The following NPAS3 variants were observed in gnomAD, a reference collection of about 807,000 sequenced individuals.
NPAS3 encodes neuronal PAS domain protein 3.
In NPAS3, 14 loss-of-function variants were observed where a neutral mutation model predicts 73.1. The ratio of observed to expected loss-of-function variants is 0.19; its 90% CI spans 0.13 to 0.30. NPAS3 has a LOEUF of 0.30. Among genes scored for constraint, NPAS3 ranks in the 10% least tolerant of loss-of-function variants. NPAS3 has a pLI of 1.00. For missense variants in NPAS3, 1,096 were observed against 1,250.0 expected, an observed-to-expected ratio of 0.88 and a Z score of 1.86; for synonymous variants, 620 against 541.5, an observed-to-expected ratio of 1.14 and a Z score of -2.01.
chr14:33,651,117 T>G (rs569258423), intron 5 of NPAS3, among the ~76,000 whole-genome samples: 1 of 152,324 alleles, frequency 6.6e-6, no homozygotes, highest in African/African-American at 2.4e-5. Flanking sequence ...CTTTGAGACT[T>G]TGTTCACAAG....
chr14:33,647,286 CTCTCTATATATA>C (rs1233049157), intron 5 of NPAS3, among the ~76,000 whole-genome samples: 1 of 151,110 alleles, frequency 6.6e-6, no homozygotes, highest in African/African-American at 2.5e-5. Context: ...CTCTCTCTCT[CTCTCTATATATA>C]TATATATATA....
At chr14:33,780,601 C>CA (rs1303706203) in intron 9 of NPAS3, 1 of 453,560 alleles carries the variant, frequency 2.2e-6, no homozygotes, top group African/African-American at 2.0e-5. Context: ...CATCATGCAT[C>CA]ATGCTATCTC....
intron 3 of NPAS3, among the ~76,000 whole-genome samples, chr14:33,351,953 A>G (rs1566822811): frequency 6.6e-6 from 1 of 152,116 alleles, no homozygotes; most frequent in Non-Finnish European, 1.5e-5. Flanking sequence ...TGTGGATGAC[A>G]GTTTTTGGGT....
Position 33,305,158 on chromosome 14 carries a change from T to TAG in NPAS3, c.386-62014_386-62013dup, listed in dbSNP as rs547941565. On this transcript the variant is annotated intron_variant, in intron 3 of 11. Coordinates refer to ENST00000356141, the Ensembl canonical transcript of NPAS3. ...ATTAGGGCTAATCCAATGGATGAAG[T>TAG]AGAGAGAGAGAGAGAATTGTTATTT... is the stretch of plus-strand genomic sequence containing the variant. Among the ~76,000 whole-genome samples the TAG allele has an allele frequency of 3.6e-3, 545 of 151,128 alleles. 9 individuals carry two copies. Among genetic ancestry groups the TAG allele is most frequent in the South Asian group, 0.025 (119 of 4,806 alleles).
At position 33,800,897 on chromosome 14, in the gene NPAS3, G is replaced by T. The variant is rs2063694081; in HGVS notation, c.2590G>T (p.Asp864Tyr). 6.2e-7 allele frequency: 1 copy of T among 1,607,870 alleles called. No homozygotes were observed. Among genetic ancestry groups the T allele is most frequent in the Non-Finnish European group, 8.5e-7 (1 of 1,177,690 alleles). Reference sequence around the variant, plus strand: ...CGTTAACAGCCCCGGCTTTGGCCTCGACCCCAAGACGCCCATGGAGATGCT... The same window carrying T: ...CGTTAACAGCCCCGGCTTTGGCCTCTACCCCAAGACGCCCATGGAGATGCT... Residue 864 changes from aspartate to tyrosine, a missense_variant, in exon 12 of 12, where the codon GAC (aspartate) becomes TAC (tyrosine). Asp to Tyr is a radical substitution (Grantham distance 160, BLOSUM62 -3). Transcript: ENST00000356141. This position sits in a 1 kb window ranked among gnomAD's most constrained non-coding sequence, Gnocchi z 6.5.
intron 6 of NPAS3, among the ~76,000 whole-genome samples, chr14:33,728,782 C>T (rs555484271): frequency 6.6e-6 from 1 of 152,292 alleles, no homozygotes; most frequent in East Asian, 1.9e-4. Context: ...GCCAACCCCC[C>T]TTTAACTACC....
chr14:33,718,400 T>C (rs2061015184), intron 6 of NPAS3, among the ~76,000 whole-genome samples: 1 of 152,222 alleles, frequency 6.6e-6, no homozygotes, highest in African/African-American at 2.4e-5. Flanking sequence ...TTCACATTTA[T>C]TCTGTACCAT....
chr14:33,375,062 T>C (rs1001106131), intron 4 of NPAS3, among the ~76,000 whole-genome samples: 2 of 152,182 alleles, frequency 1.3e-5, no homozygotes, highest in Non-Finnish European at 2.9e-5. Context: ...CATCTTCTTA[T>C]TCCTGATGGC....
chr14:33,344,865 G>C (rs1396234259), intron 3 of NPAS3, among the ~76,000 whole-genome samples: 2 of 152,330 alleles, frequency 1.3e-5, no homozygotes, highest in East Asian at 1.9e-4. Context: ...CAGAAGGAGA[G>C]AAGGAAGTCA....
intron 1 of NPAS3, among the ~76,000 whole-genome samples, chr14:33,049,241 GGTAA>G (rs1415781059): frequency 1.3e-5 from 2 of 152,102 alleles, no homozygotes; most frequent in African/African-American, 4.8e-5. Flanking sequence ...CAGATACTGT[GGTAA>G]GTGTTTTACA....
At chr14:33,163,492 C>T (rs1340249860) in intron 2 of NPAS3, among the ~76,000 whole-genome samples, 1 of 152,178 alleles carries the variant, frequency 6.6e-6, no homozygotes, top group Non-Finnish European at 1.5e-5. Flanking sequence ...CTACAAAATA[C>T]TTGCTGGACA....
At chr14:32,989,023 G>A (rs1234232195) in intron 1 of NPAS3, among the ~76,000 whole-genome samples, 1 of 152,180 alleles carries the variant, frequency 6.6e-6, no homozygotes, top group African/African-American at 2.4e-5. Flanking sequence ...TGAGTGTGGG[G>A]AGGAACAGGA....
chr14:33,801,044 C>T, exon 12 of NPAS3: 1 of 1,593,826 alleles, frequency 6.3e-7, no homozygotes, highest in South Asian at 1.1e-5. Flanking sequence ...CTTCTCCACG[C>T]TGCCCTTCCC....
intron 5 of NPAS3, among the ~76,000 whole-genome samples, chr14:33,671,304 C>G (rs1305532797): frequency 6.6e-6 from 1 of 152,138 alleles, no homozygotes; most frequent in African/African-American, 2.4e-5. Flanking sequence ...AATTAGCCCC[C>G]CCATCCTATC....
At chr14:33,281,871 C>T (rs1202820532) in intron 3 of NPAS3, among the ~76,000 whole-genome samples, 1 of 152,070 alleles carries the variant, frequency 6.6e-6, no homozygotes, top group Non-Finnish European at 1.5e-5. Flanking sequence ...CTTGTGCAAA[C>T]TTTGACAGTT....
chr14:33,490,823 C>G (rs536964974), intron 4 of NPAS3, among the ~76,000 whole-genome samples: 6 of 152,194 alleles, frequency 3.9e-5, no homozygotes, highest in Non-Finnish European at 7.3e-5. Context: ...GGAGCAAGCT[C>G]CTCTCCTAGA....
At chr14:33,240,720 G>A (rs1323323637) in intron 3 of NPAS3, among the ~76,000 whole-genome samples, 1 of 151,754 alleles carries the variant, frequency 6.6e-6, no homozygotes, top group Non-Finnish European at 1.5e-5. Context: ...TTTACAGCTG[G>A]TTCCTAGTCT....
chr14:33,021,628 C>T (rs1159291426), intron 1 of NPAS3, among the ~76,000 whole-genome samples: 1 of 152,104 alleles, frequency 6.6e-6, no homozygotes, highest in East Asian at 1.9e-4. Context: ...ACCTATTTTT[C>T]AAAGCAAAGA....
chr14:33,718,847 C>T (rs1004968081), intron 6 of NPAS3, among the ~76,000 whole-genome samples: 3 of 152,106 alleles, frequency 2.0e-5, no homozygotes, highest in Non-Finnish European at 4.4e-5. Context: ...AAGCTGCGGC[C>T]AGGTACGGTG....
Sources: allele counts gnomAD v4.1 joint callset (sites outside exome capture counted in the v4.1 genomes callset), GRCh38; gene constraint gnomAD v4.1.1; non-coding constraint Gnocchi (gnomAD v3.1); transcripts MANE v1.5; gene names NCBI Gene and HGNC (gene_info 2026-07-23, HGNC 2026-07-21).